The following SOHLH1 variants were observed in gnomAD, a reference collection of about 807,000 sequenced individuals.
SOHLH1 encodes spermatogenesis and oogenesis specific basic helix-loop-helix 1.
In SOHLH1, 23 loss-of-function variants were observed where a neutral mutation model predicts 36.2. The ratio of observed to expected loss-of-function variants is 0.64; its 90% CI spans 0.46 to 0.90. The LOEUF (loss-of-function observed/expected upper bound fraction) is 0.90. SOHLH1 is among the 40% of genes least tolerant of loss of function. The pLI is 0.00. For synonymous variants in SOHLH1, 289 were observed against 228.3 expected (o/e 1.27, Z -2.40); for missense variants, 608 against 517.0 (o/e 1.18, Z -1.71).
intron 5 of SOHLH1, 33 bp from the exon 6 acceptor site, chr9:135,695,296 C>G: frequency 6.4e-7 from 1 of 1,558,902 alleles, no homozygotes; most frequent in Non-Finnish European, 8.7e-7. Context: ...GTCAGCCTTC[C>G]CTGCCCAGCC....
chr9:135,696,753 A>T lies in SOHLH1; in HGVS notation c.520T>A (p.Ser174Thr). The part of the protein sequence containing the change: ...LESPWSLDPA[S>T]ASPEPVPHIL... The stretch of plus-strand genomic sequence containing the variant: ...TGCGGCACGGGCTCTGGGCTGGCCG[A>T]CGCTGGATCCAGGGACCAAGGACTT... The change falls in exon 5 of 8, where the codon TCG becomes ACG. Residue 174 changes from serine (S) to threonine (T), a missense_variant. Physicochemically the swap from Ser to Thr is moderately conservative, Grantham distance 58. Coordinates refer to ENST00000425225, the MANE Select transcript of SOHLH1 (RefSeq NM_001101677.2). 1 of 1,613,094 alleles carries T rather than the reference A, an allele frequency of 6.2e-7. No individual in the cohort carries two copies. Among genetic ancestry groups the T allele is most frequent in the Non-Finnish European group, 8.5e-7 (1 of 1,179,996 alleles).
intron 7 of SOHLH1, 184 bp downstream of exon 7, chr9:135,694,203 C>A: frequency 6.9e-7 from 1 of 1,448,016 alleles, no homozygotes; most frequent in Non-Finnish European, 9.1e-7. Flanking sequence ...CACACACTCA[C>A]ATATCACCTA....
chr9:135,700,766 TGGAGGAGGACGGGGTTGG>T (rs1835003552), upstream of SOHLH1, among the ~76,000 whole-genome samples: 8 of 152,092 alleles, frequency 5.3e-5, no homozygotes, highest in South Asian at 1.7e-3. Context: ...AGGTCAGACA[TGGAGGAGGACGGGGTTGG>T]AGAGGAGGGC....
chr9:135,702,009 G>A (rs1206217815), upstream of SOHLH1, among the ~76,000 whole-genome samples: 2 of 152,070 alleles, frequency 1.3e-5, no homozygotes, highest in Non-Finnish European at 2.9e-5. Context: ...GGGCTCAGAG[G>A]GCCGCGGCGG....
intron 6 of SOHLH1, 105 bp from the exon 7 acceptor site, chr9:135,694,562 G>C (rs1834715892): frequency 6.8e-7 from 1 of 1,475,604 alleles, no homozygotes; most frequent in Non-Finnish European, 9.2e-7. Flanking sequence ...CGAATGCAAA[G>C]ATCTAGGCAC....
intron 7 of SOHLH1, 143 bp from the exon 8 acceptor site, chr9:135,693,957 G>A: frequency 1.4e-6 from 2 of 1,434,774 alleles, no homozygotes; most frequent in East Asian, 2.5e-5. Flanking sequence ...TGATGAGGTG[G>A]GTGAGCTCAT....
chr9:135,694,129 G>C (rs1564296209), intron 7 of SOHLH1: 5 of 1,432,634 alleles, frequency 3.5e-6, no homozygotes, highest in Non-Finnish European at 4.5e-6. Context: ...CAGGGTCAAG[G>C]GGAAGAATAC....
At chr9:135,701,087 G>GT (rs1835017734), upstream of SOHLH1, among the ~76,000 whole-genome samples, 1 of 152,250 alleles carries the variant, frequency 6.6e-6, no homozygotes, top group Admixed American at 6.5e-5. Flanking sequence ...CCGCCCAGGG[G>GT]TGGTGGGACC....
rs372516323 is a variant in SOHLH1, at chr9:135,694,389, G to A, written c.944C>T (p.Pro315Leu). 1.6e-4 allele frequency: 262 copies of A among 1,612,536 alleles called. No individual in the cohort carries two copies. The highest frequency in any genetic ancestry group is 2.0e-4 in the Non-Finnish European group (236 of 1,179,684). Residue 315 changes from proline (P) to leucine (L), a missense_variant and splice_region_variant, in exon 7 of 8, where the codon CCG becomes CTG. Physicochemically the swap from Pro to Leu is moderately conservative, Grantham distance 98. Coordinates refer to ENST00000425225, the MANE Select transcript of SOHLH1 (RefSeq NM_001101677.2). ...CCTGAACCCAGGGCCCCACTCACCCGGCCACGAGCTGGGACCAGCAGTCAG... is the reference window on the plus strand; with the variant it reads ...CCTGAACCCAGGGCCCCACTCACCCAGCCACGAGCTGGGACCAGCAGTCAG... ...FLLTAGPSSW[P>L]GSLEGRGGSG...
chr9:135,699,441 G>T lies in SOHLH1; in HGVS notation c.27C>A (p.Tyr9Ter), dbSNP rs864309646. 6.2e-7 allele frequency: 1 copy of T among 1,612,288 alleles called. No homozygotes were observed. Among genetic ancestry groups the T allele is most frequent in the South Asian group, 1.1e-5 (1 of 90,974 alleles). The change falls in exon 1 of 8, where the codon TAC becomes TAA. Residue 9 changes from tyrosine to a stop codon, truncating the protein, a stop_gained. Coordinates refer to ENST00000425225, the MANE Select transcript of SOHLH1 (RefSeq NM_001101677.2). LOFTEE classifies it high-confidence loss of function. ...CGGTAGGGATTCTGGAGACCTCCGG[G>T]TAGGGCTCGGAGCACCGGGACGCCA... is the stretch of plus-strand genomic sequence containing the variant. MASRCSEPYPEVSRIPTVR... is the reference protein window; with the variant it reads MASRCSEP
Position 135,693,794 on chromosome 9 carries a change from C to A in SOHLH1, c.967G>T (p.Gly323Cys). Residue 323 changes from glycine to cysteine, a missense_variant, in exon 8 of 8, where the codon GGC becomes TGC. Physicochemically the swap from Gly to Cys is radical, Grantham distance 159. Transcript: ENST00000425225. Reference protein sequence around the residue: ...SWPGSLEGRGGSGPAWAPAES... With the variant: ...SWPGSLEGRGCSGPAWAPAES... ...GCTGGGGCCCATGCAGGGCCACTGC[C>A]TCCTCGACCCTCCAGAGACCCTGGA... is the stretch of plus-strand genomic sequence containing the variant. The A allele has an allele frequency of 6.3e-7, 1 of 1,574,878 alleles. No homozygotes were observed.
rs757370119 is a variant in SOHLH1, at chr9:135,693,779, A to G, written c.982T>C (p.Trp328Arg). 1.8e-5 allele frequency: 28 copies of G among 1,581,050 alleles called. No homozygotes were observed. The Admixed American group carries it at 3.0e-4, about 17-fold the overall frequency. The change falls in exon 8 of 8, where the codon TGG (tryptophan) becomes CGG (arginine). Residue 328 changes from tryptophan (W) to arginine (R), a missense_variant. Trp to Arg is a moderately radical substitution (Grantham distance 101). Coordinates refer to ENST00000425225, the MANE Select transcript of SOHLH1 (RefSeq NM_001101677.2). ...LEGRGGSGPA[W>R]APAESSPLDV... is the part of the protein sequence containing the mutation. Reference sequence around the variant, plus strand: ...AGTGGACTGCTCTCAGCTGGGGCCCATGCAGGGCCACTGCCTCCTCGACCC... The same window carrying G: ...AGTGGACTGCTCTCAGCTGGGGCCCGTGCAGGGCCACTGCCTCCTCGACCC...
chr9:135,699,014 T>C lies in SOHLH1; in HGVS notation c.178A>G (p.Ile60Val), dbSNP rs780990524. 6.2e-7 allele frequency: 1 copy of C among 1,611,540 alleles called. No individual in the cohort carries two copies. Among genetic ancestry groups the C allele is most frequent in the South Asian group, 1.1e-5 (1 of 91,026 alleles). ...GPSSCLRRNV[I>V]SERERRKRMS... is the part of the protein sequence containing the mutation. ...ACTCACCTGCGCTCCCTCTCGCTGA[T>C]CACGTTCCGCCGAAGGCAGGAGCTG... is the stretch of plus-strand genomic sequence containing the variant. Residue 60 changes from isoleucine (I) to valine (V), a missense_variant, in exon 2 of 8, where the codon ATC (isoleucine) becomes GTC (valine). By Grantham distance (29) the Ile-to-Val change is conservative. Coordinates refer to ENST00000425225, the MANE Select transcript of SOHLH1 (RefSeq NM_001101677.2).
At position 135,693,857 on chromosome 9, in the gene SOHLH1, T is replaced by C. The variant is rs763514194; in HGVS notation, c.947-43A>G. ...ACATCGGCAGGGCAGGCAGGTGCTC[T>C]GGGAGCTTGAGGCAGACAGGTGGGG... On this transcript the variant is annotated intron_variant, in intron 7 of 7. Coordinates refer to ENST00000425225, the MANE Select transcript of SOHLH1 (RefSeq NM_001101677.2). The C allele has an allele frequency of 4.6e-6, 7 of 1,523,890 alleles. No individual in the cohort carries two copies. The East Asian group carries it at 1.2e-4, about 27-fold the overall frequency. 94.4% of individuals were successfully genotyped at this position (1,523,890 alleles called of 1,614,324 possible).
In SOHLH1 at chr9:135,698,210, G is replaced by A. The variant is rs1347906205; in HGVS notation, c.345+119C>T. The A allele has an allele frequency of 4.5e-5, 64 of 1,416,484 alleles. 1 individual carries two copies. Among genetic ancestry groups the A allele is most frequent in the Non-Finnish European group, 5.5e-5 (56 of 1,015,130 alleles). The allele number at this position is 1,416,484 out of a possible 1,614,324, so 87.7% of individuals were successfully genotyped here. ...GCCGAAAACGTGGCCTGCTCTAGCC[G>A]TGGAGACCCAGAGGGCTGAAGGAGA... On this transcript the variant is annotated intron_variant, in intron 3 of 7. Coordinates refer to ENST00000425225, the MANE Select transcript of SOHLH1 (RefSeq NM_001101677.2).
intron 7 of SOHLH1, 155 bp from the exon 8 acceptor site, chr9:135,693,969 C>T (rs780835849): frequency 1.2e-4 from 176 of 1,431,586 alleles, no homozygotes; most frequent in Non-Finnish European, 1.6e-4. Flanking sequence ...TGAGCTCATA[C>T]CTGGTGGCCC....
chr9:135,697,006 C>CTAGATTCT (rs1195496399), intron 4 of SOHLH1, among the ~76,000 whole-genome samples: 3 of 152,174 alleles, frequency 2.0e-5, no homozygotes, highest in Admixed American at 6.5e-5. Context: ...TGCCCAACTC[C>CTAGATTCT]TCCGGTTCTA....
rs1311445290 is a variant in SOHLH1 at position 135,698,981 on chromosome 9, G to A, written c.197+14C>T. The A allele has an allele frequency of 6.2e-7, 1 of 1,611,120 alleles. No homozygotes were observed. The highest frequency in any genetic ancestry group is 8.5e-7 in the Non-Finnish European group (1 of 1,179,738). On this transcript the variant is annotated intron_variant, in intron 2 of 7. Transcript: ENST00000425225. ...TTTACAGCGCCCTCACCCCTGGGAG[G>A]CACCACCACTCACCTGCGCTCCCTC... is the stretch of plus-strand genomic sequence containing the variant.
Position 135,695,261 on chromosome 9 carries a change from G to C in SOHLH1, c.664C>G (p.Pro222Ala), listed in dbSNP as rs150307035. 1.9e-6 allele frequency: 3 copies of C among 1,591,690 alleles called. No homozygotes were observed. The highest frequency in any genetic ancestry group is 1.3e-5 in the African/African-American group (1 of 74,778). The change falls in exon 6 of 8, where the codon CCT (proline) becomes GCT (alanine). Residue 222 changes from proline (P) to alanine (A), a missense_variant and splice_region_variant. Transcript: ENST00000425225. ...VRGGLPPFSE[P>A]SSLVPWPPGR... ...GGGGGCCACGGCACCAGGCTGGAAG[G>C]TTCTGGGAGAGAAGTCAGATGCGGG...
Sources: allele counts gnomAD v4.1 joint callset (sites outside exome capture counted in the v4.1 genomes callset), GRCh38; gene constraint gnomAD v4.1.1; transcripts MANE v1.5; gene names NCBI Gene and HGNC (gene_info 2026-07-23, HGNC 2026-07-21).